CNEP1R1: variants seen among roughly 807,000 people sequenced by gnomAD.
CNEP1R1 encodes nuclear envelope phosphatase-regulatory subunit 1.
A neutral mutation model predicts 22.7 loss-of-function variants in CNEP1R1; 10 were observed. The observed-to-expected ratio is 0.44, with a 90% confidence interval of 0.27 to 0.75. The LOEUF (loss-of-function observed/expected upper bound fraction) is 0.75, where lower values mean the gene tolerates loss of function less well. CNEP1R1 is among the 30% of genes least tolerant of loss of function. CNEP1R1 has a pLI of 0.17. For synonymous variants in CNEP1R1, 53 were observed against 50.1 expected (o/e 1.06, Z -0.25); for missense variants, 73 against 151.5 (o/e 0.48, Z 2.72).
Position 50,028,912 on chromosome 16 carries a change from G to C in CNEP1R1, c.98-813G>C, listed in dbSNP as rs542277742. Among the ~76,000 whole-genome samples the C allele has an allele frequency of 4.6e-5, 7 of 152,070 alleles. No homozygotes were observed. The South Asian group carries it at 1.5e-3, about 32-fold the overall frequency. ...TTACGTCTTCTAAAAGTACATCAAG[G>C]AATTCTAGATAATTAAGGTTTTACT... is the stretch of plus-strand genomic sequence containing the variant. On this transcript the variant is annotated intron_variant, in intron 2 of 5. Transcript: ENST00000427478.
At chr16:50,029,829 A>C in intron 3 of CNEP1R1, 31 bp downstream of exon 3, 2 of 1,299,884 alleles carry the variant, frequency 1.5e-6, no homozygotes, top group South Asian at 1.2e-5. Context: ...TCATTAGCAT[A>C]ATTAAATGAG....
chr16:50,028,373 T>C (rs777351047), intron 2 of CNEP1R1, among the ~76,000 whole-genome samples: 7 of 152,220 alleles, frequency 4.6e-5, no homozygotes, highest in Non-Finnish European at 1.0e-4. Flanking sequence ...ATCAGTTTGC[T>C]GGACCAAAAA....
intron 4 of CNEP1R1, 109 bp downstream of exon 4, chr16:50,033,615 G>A (rs367838095): frequency 9.7e-6 from 5 of 513,780 alleles, no homozygotes; most frequent in South Asian, 5.0e-5. Flanking sequence ...TGTAATCCCA[G>A]CACTTTGGGA....
chr16:50,025,253 G>T lies in CNEP1R1; in HGVS notation c.-63G>T, dbSNP rs1003889777. On this transcript the variant is annotated 5_prime_UTR_variant, in exon 1 of 6. Transcript: ENST00000427478. ...GGTGGGAGTTGGCGCTGCGGGCCGGGCGGGGGCCGCGGAAGCTGCGATGCG... is the reference window on the plus strand; with the variant it reads ...GGTGGGAGTTGGCGCTGCGGGCCGGTCGGGGGCCGCGGAAGCTGCGATGCG... 2.5e-5 allele frequency: 34 copies of T among 1,382,264 alleles called. No homozygotes were observed. Among genetic ancestry groups the T allele is most frequent in the East Asian group, 5.9e-5 (2 of 34,178 alleles). 85.6% of individuals were successfully genotyped at this position (1,382,264 alleles called of 1,614,324 possible). A position where few individuals can be genotyped will look rare whatever the true frequency, so the allele number is the denominator to read the frequency against.
intron 3 of CNEP1R1, among the ~76,000 whole-genome samples, chr16:50,032,263 TTC>T (rs2036237104): frequency 6.6e-6 from 1 of 152,234 alleles, no homozygotes; most frequent in African/African-American, 2.4e-5. Context: ...AATGCTTGTC[TTC>T]TCTGTGTCTC....
chr16:50,026,575 T>A (rs1234894384), intron 2 of CNEP1R1, 108 bp downstream of exon 2: 6 of 845,612 alleles, frequency 7.1e-6, no homozygotes, highest in African/African-American at 1.7e-5. Flanking sequence ...TTATTTAACA[T>A]TGTAGACAAT....
In CNEP1R1 at chr16:50,036,803, A is replaced by G. The variant is rs527566432; in HGVS notation, c.*1345A>G. 3 of 152,798 alleles carry G rather than the reference A, an allele frequency of 2.0e-5. No individual in the cohort carries two copies. In the South Asian group the frequency reaches 6.2e-4, roughly 32 times the overall value. The allele number at this position is 152,798 out of a possible 1,614,324, so 9.5% of individuals were successfully genotyped here. ...TTTACCTGTTTATTAGATTTTGAAA[A>G]GGTTTAAATTATTTCATGAGCAATC... On this transcript the variant is annotated 3_prime_UTR_variant, in exon 6 of 6. Coordinates refer to ENST00000427478, the MANE Select transcript of CNEP1R1 (RefSeq NM_001281789.2).
rs766757172 is a variant in CNEP1R1 at position 50,033,381 on chromosome 16, A to C, written c.172-16A>C. The C allele has an allele frequency of 5.9e-6, 8 of 1,358,148 alleles. No homozygotes were observed. Among genetic ancestry groups the C allele is most frequent in the Non-Finnish European group, 7.3e-6 (7 of 958,138 alleles). The allele number at this position is 1,358,148 out of a possible 1,614,324, so 84.1% of individuals were successfully genotyped here. On this transcript the variant is annotated splice_polypyrimidine_tract_variant and intron_variant, in intron 3 of 5. Transcript: ENST00000427478. ...AGATTTTTAACATTTTTATATTTTC[A>C]TCTCTTCTTTTACAGGTGTCCTTCT... is the stretch of plus-strand genomic sequence containing the variant.
chr16:50,028,139 TTAG>T (rs2036202829), intron 2 of CNEP1R1, among the ~76,000 whole-genome samples: 1 of 152,122 alleles, frequency 6.6e-6, no homozygotes, highest in Admixed American at 6.5e-5. Context: ...TTGTGTATTT[TTAG>T]TAGAGATAGG....
intron 1 of CNEP1R1, 26 bp downstream of exon 1, chr16:50,025,366 C>T (rs1383116742): frequency 3.5e-6 from 5 of 1,435,498 alleles, no homozygotes; most frequent in Admixed American, 3.0e-5. Context: ...CGGGCCCGTC[C>T]CCCGTCTCCC....
intron 3 of CNEP1R1, among the ~76,000 whole-genome samples, chr16:50,032,187 C>T (rs916157879): frequency 3.3e-5 from 5 of 152,288 alleles, no homozygotes; most frequent in Middle Eastern, 3.4e-3. Context: ...TGGGGATGTG[C>T]TTAACTTGAT....
At chr16:50,025,510 G>C in intron 1 of CNEP1R1, 170 bp downstream of exon 1, 1 of 1,072,500 alleles carries the variant, frequency 9.3e-7, no homozygotes, top group South Asian at 1.5e-5. Flanking sequence ...GACGCGGGGG[G>C]CGGTGCCTCA....
intron 2 of CNEP1R1, 125 bp downstream of exon 2, chr16:50,026,592 T>C: frequency 1.4e-6 from 1 of 715,422 alleles, no homozygotes; most frequent in African/African-American, 1.8e-5. Flanking sequence ...CAATGCCTTA[T>C]GAAGAAATTT....
At chr16:50,030,356 C>G (rs2036221070) in intron 3 of CNEP1R1, among the ~76,000 whole-genome samples, 1 of 152,260 alleles carries the variant, frequency 6.6e-6, no homozygotes, top group South Asian at 2.1e-4. Context: ...ATCACTTGAG[C>G]TCAGGAGATC....
At chr16:50,026,652 G>C (rs989318411) in intron 2 of CNEP1R1, 185 bp downstream of exon 2, 1 of 574,050 alleles carries the variant, frequency 1.7e-6, no homozygotes, top group Non-Finnish European at 3.1e-6. Context: ...AGTCTATTTC[G>C]TGTGGTTGTT....
intron 2 of CNEP1R1, 36 bp downstream of exon 2, chr16:50,026,503 CAATT>C (rs559597829): frequency 5.9e-5 from 83 of 1,400,752 alleles, no homozygotes; most frequent in Non-Finnish European, 7.7e-5. Flanking sequence ...GGAAAACTAA[CAATT>C]GATACTTTTA....
Position 50,025,296 on chromosome 16 carries a change from G to T in CNEP1R1, c.-20G>T. On this transcript the variant is annotated 5_prime_UTR_variant, in exon 1 of 6. An upstream open reading frame in the 5' UTR loses its in-frame stop. Coordinates refer to ENST00000427478, the MANE Select transcript of CNEP1R1 (RefSeq NM_001281789.2). Reference sequence around the variant, plus strand: ...GCGATGCGGACAGGGCAGCGGCGGTGACCCGAGCTGCCGCCCGACATGAAC... The same window carrying T: ...GCGATGCGGACAGGGCAGCGGCGGTTACCCGAGCTGCCGCCCGACATGAAC... 1.4e-6 allele frequency: 2 copies of T among 1,428,790 alleles called. No homozygotes were observed. Among genetic ancestry groups the T allele is most frequent in the South Asian group, 1.5e-5 (1 of 67,330 alleles). 88.5% of individuals were successfully genotyped at this position (1,428,790 alleles called of 1,614,324 possible).
intron 1 of CNEP1R1, chr16:50,025,921 G>C: frequency 7.2e-6 from 4 of 551,956 alleles, no homozygotes; most frequent in Non-Finnish European, 1.3e-5. Context: ...GCCAGACGGC[G>C]TAGCCATTAA....
intron 2 of CNEP1R1, among the ~76,000 whole-genome samples, chr16:50,027,758 C>CTA (rs2036198983): frequency 6.6e-6 from 1 of 151,488 alleles, no homozygotes; most frequent in African/African-American, 2.4e-5. Flanking sequence ...TGATTTTTAA[C>CTA]AAAGCATAAT....
Sources: allele counts gnomAD v4.1 joint callset (sites outside exome capture counted in the v4.1 genomes callset), GRCh38; gene constraint gnomAD v4.1.1; transcripts MANE v1.5; gene names NCBI Gene and HGNC (gene_info 2026-07-23, HGNC 2026-07-21).